The following ETS1 variants were observed in gnomAD, a reference collection of about 807,000 sequenced individuals.
The protein encoded by ETS1 is protein C-ets-1.
Under a neutral mutation model 58.6 loss-of-function variants are expected in ETS1, and 15 were observed. The ratio of observed to expected loss-of-function variants is 0.26; its 90% confidence interval spans 0.17 to 0.39. The LOEUF (loss-of-function observed/expected upper bound fraction) is 0.39. ETS1 is among the 10% of genes least tolerant of loss of function. ETS1 has a pLI of 1.00. For synonymous variants in ETS1, 214 were observed against 218.2 expected, an observed-to-expected ratio of 0.98 and a Z score of 0.17; for missense variants, 417 against 610.5, an observed-to-expected ratio of 0.68 and a Z score of 3.34.
At chr11:128,543,542 G>C (rs1046123403) in intron 3 of ETS1, among the ~76,000 whole-genome samples, 6 of 152,074 alleles carry the variant, frequency 3.9e-5, no homozygotes, top group African/African-American at 1.4e-4. Context: ...AAAATCTACT[G>C]GTTGAGTTTT....
At chr11:128,483,857 C>G (rs568284377) in intron 7 of ETS1, among the ~76,000 whole-genome samples, 4 of 152,240 alleles carry the variant, frequency 2.6e-5, no homozygotes, top group African/African-American at 9.6e-5. Context: ...ACATCTGACC[C>G]AAGCCCCGCT....
intron 3 of ETS1, among the ~76,000 whole-genome samples, chr11:128,550,252 T>C (rs1444929743): frequency 6.6e-6 from 1 of 152,088 alleles, no homozygotes; most frequent in African/African-American, 2.4e-5. Flanking sequence ...TCAATTATAC[T>C]CAAAATGTAT....
rs780931299 is a variant in ETS1 at position 128,463,500 on chromosome 11, C to G, written c.1242+9G>C. 4.0e-6 allele frequency: 6 copies of G among 1,491,846 alleles called. No individual in the cohort carries two copies. The highest frequency in any genetic ancestry group is 5.6e-6 in the Non-Finnish European group (6 of 1,068,670). The allele number at this position is 1,491,846 out of a possible 1,614,324, so 92.4% of individuals were successfully genotyped here. On this transcript the variant is annotated intron_variant, in intron 9 of 9. Coordinates refer to ENST00000392668, the MANE Select transcript of ETS1 (RefSeq NM_001143820.2). This position sits in a 1 kb window ranked among gnomAD's most constrained non-coding sequence, Gnocchi z 4.1. ...TCAACACAGTACTCGCAAGCCCCTC[C>G]TTCCTTACCTCATCTGGGTCAGAAA... is the stretch of plus-strand genomic sequence containing the variant.
At chr11:128,516,406 T>G (rs1413418626) in intron 3 of ETS1, among the ~76,000 whole-genome samples, 5 of 152,174 alleles carry the variant, frequency 3.3e-5, no homozygotes, top group African/African-American at 1.2e-4. Context: ...AGGTTCCTTG[T>G]GAGCAGGAAA....
chr11:128,474,363 C>G (rs1355824368), intron 8 of ETS1, among the ~76,000 whole-genome samples: 1 of 152,096 alleles, frequency 6.6e-6, no homozygotes, highest in East Asian at 1.9e-4. Flanking sequence ...GCAATCACCA[C>G]TTTCCACGTT....
chr11:128,492,378 CTT>C (rs993128557), intron 3 of ETS1, among the ~76,000 whole-genome samples: 4 of 152,210 alleles, frequency 2.6e-5, no homozygotes, highest in Admixed American at 6.5e-5. Flanking sequence ...CACTTTCTCT[CTT>C]GTTTGCTTTT....
At chr11:128,519,738 G>T (rs1326628819) in intron 3 of ETS1, among the ~76,000 whole-genome samples, 1 of 152,190 alleles carries the variant, frequency 6.6e-6, no homozygotes, top group African/African-American at 2.4e-5. Flanking sequence ...GTTAGAAACA[G>T]GAATTGATTG....
At chr11:128,572,727 G>A (rs1002023818) in intron 2 of ETS1, among the ~76,000 whole-genome samples, 2 of 152,134 alleles carry the variant, frequency 1.3e-5, no homozygotes, top group East Asian at 3.8e-4. Context: ...AATATGTATA[G>A]GAATAAGGTA....
Position 128,460,523 on chromosome 11 carries a change from C to A in ETS1, c.*1838G>T, listed in dbSNP as rs1861881735. ...CCTGAGAAGCTTACCTGAAATATTT[C>A]TTTCCTTCTCTCATGGAAGTCCATA... On this transcript the variant is annotated 3_prime_UTR_variant, in exon 10 of 10. Coordinates refer to ENST00000392668, the MANE Select transcript of ETS1 (RefSeq NM_001143820.2). 1 of 152,356 alleles carries A rather than the reference C, an allele frequency of 6.6e-6. No homozygotes were observed. Among genetic ancestry groups the A allele is most frequent in the East Asian group, 1.9e-4 (1 of 5,342 alleles). The allele number at this position is 152,356 out of a possible 1,614,324, so 9.4% of individuals were successfully genotyped here.
At chr11:128,558,368 G>A (rs1389047941) in intron 2 of ETS1, among the ~76,000 whole-genome samples, 1 of 152,184 alleles carries the variant, frequency 6.6e-6, no homozygotes, top group African/African-American at 2.4e-5. Context: ...TTCCTGGCCG[G>A]GCGCGGTGGC....
Position 128,484,929 on chromosome 11 carries a change from G to T in ETS1, c.756C>A (p.Val252=). Residue 252 remains valine, a synonymous_variant, in exon 7 of 10, where the codon GTC becomes GTA. Coordinates refer to ENST00000392668, the MANE Select transcript of ETS1 (RefSeq NM_001143820.2). ...SLKYENDYPS[V]ILRDPLQTDT... is the part of the protein sequence containing the mutation. ...CTGTCTGGAGAGGGTCTCGGAGAAT[G>T]ACCGAGGGGTAGTCATTCTCATACT... The T allele has an allele frequency of 6.2e-7, 1 of 1,614,074 alleles. No individual in the cohort carries two copies. Among genetic ancestry groups the T allele is most frequent in the South Asian group, 1.1e-5 (1 of 91,036 alleles).
intron 3 of ETS1, among the ~76,000 whole-genome samples, chr11:128,543,232 TATA>T (rs1267205359): frequency 6.6e-6 from 1 of 152,088 alleles, no homozygotes; most frequent in Non-Finnish European, 1.5e-5. Flanking sequence ...GGTATTTTTT[TATA>T]ATAATTTATT....
At chr11:128,560,081 C>A (rs1297181183) in intron 2 of ETS1, among the ~76,000 whole-genome samples, 1 of 152,168 alleles carries the variant, frequency 6.6e-6, no homozygotes, top group Non-Finnish European at 1.5e-5. Context: ...CTGTTCAGTG[C>A]CCCCTGGCAC....
In ETS1 at chr11:128,480,228, C is replaced by G; in HGVS notation, c.1086G>C (p.Lys362Asn). The G allele has an allele frequency of 6.2e-7, 1 of 1,614,056 alleles. No homozygotes were observed. Among genetic ancestry groups the G allele is most frequent in the Non-Finnish European group, 8.5e-7 (1 of 1,180,004 alleles). Residue 362 changes from lysine (K) to asparagine (N), a missense_variant, in exon 8 of 10, where the codon AAG (lysine) becomes AAC (asparagine). Coordinates refer to ENST00000392668, the MANE Select transcript of ETS1 (RefSeq NM_001143820.2). Reference protein sequence around the residue: ...VRDRADLNKDKPVIPAAALAG... With the variant: ...VRDRADLNKDNPVIPAAALAG... ...CTAGGGCAGCAGCAGGAATGACAGGCTTGTCCTTATTGAGGTCAGCACGGT... is the reference window on the plus strand; with the variant it reads ...CTAGGGCAGCAGCAGGAATGACAGGGTTGTCCTTATTGAGGTCAGCACGGT...
At chr11:128,580,090 T>A (rs1864834987) in intron 1 of ETS1, among the ~76,000 whole-genome samples, 1 of 149,074 alleles carries the variant, frequency 6.7e-6, no homozygotes, top group Non-Finnish European at 1.5e-5. Flanking sequence ...TGAGGGAAAG[T>A]ACCTAAAGTA....
chr11:128,472,190 C>T (rs1387358628), intron 8 of ETS1, among the ~76,000 whole-genome samples: 2 of 152,178 alleles, frequency 1.3e-5, no homozygotes, highest in Non-Finnish European at 2.9e-5. Flanking sequence ...AGAACCTAGC[C>T]TTGAGAGGCC....
chr11:128,556,434 CT>C lies in ETS1; in HGVS notation c.70del (p.Arg24GlyfsTer13). 6.3e-7 allele frequency: 1 copy of C among 1,594,416 alleles called. No homozygotes were observed. The highest frequency in any genetic ancestry group is 1.1e-5 in the South Asian group (1 of 87,802). On this transcript the variant is annotated frameshift_variant and splice_region_variant, in exon 3 of 10. Coordinates refer to ENST00000392668, the MANE Select transcript of ETS1 (RefSeq NM_001143820.2). LOFTEE classifies it high-confidence loss of function. ...PYSAPRPAVVRQGPSNTYEDP... is the reference protein window; with the variant it reads ...PYSAPRPAVVXQGPSNTYEDP... The stretch of plus-strand genomic sequence containing the variant: ...TTCATAAGTGTTGCTAGGTCCTTGC[CT>C]CTGTGCAAGAAAAAATAGAAGAAAA...
intron 2 of ETS1, among the ~76,000 whole-genome samples, chr11:128,565,062 T>TAAATAAATA (rs779396076): frequency 0.011 from 574 of 54,500 alleles, 2 homozygotes; most frequent in Non-Finnish European, 0.014. Flanking sequence ...ATAAATAAAA[T>TAAATAAATA]AAATGTGTTT....
chr11:128,487,121 C>A (rs915066219), intron 5 of ETS1, among the ~76,000 whole-genome samples: 1 of 152,150 alleles, frequency 6.6e-6, no homozygotes, highest in Non-Finnish European at 1.5e-5. Flanking sequence ...TCCACCCCAC[C>A]CCAAACAGCT....
Sources: allele counts gnomAD v4.1 joint callset (sites outside exome capture counted in the v4.1 genomes callset), GRCh38; gene constraint gnomAD v4.1.1; non-coding constraint Gnocchi (gnomAD v3.1); transcripts MANE v1.5; gene names NCBI Gene and HGNC (gene_info 2026-07-23, HGNC 2026-07-21).